The following DET1 variants were observed in gnomAD, a reference collection of about 807,000 sequenced individuals.
DET1 encodes the protein DET1 partner of COP1 E3 ubiquitin ligase, also known as DET1 homolog.
A neutral mutation model predicts 43.7 loss-of-function variants in DET1; 22 were observed. The ratio of observed to expected loss-of-function variants is 0.50; its 90% CI spans 0.36 to 0.72. DET1 has a LOEUF of 0.72. Among genes scored for constraint, DET1 ranks in the 30% least tolerant of loss-of-function variants. DET1 has a pLI of 0.00. For synonymous variants in DET1, 315 were observed against 266.2 expected, an observed-to-expected ratio of 1.18 and a Z score of -1.79; for missense variants, 713 against 713.3, an observed-to-expected ratio of 1.00 and a Z score of 0.00.
At chr15:88,517,772 ATTCT>A (rs2056385381) in intron 3 of DET1, among the ~76,000 whole-genome samples, 1 of 152,158 alleles carries the variant, frequency 6.6e-6, no homozygotes, top group Admixed American at 6.5e-5. Flanking sequence ...TAAATTACGC[ATTCT>A]TTGTTTGTTT....
intron 1 of DET1, among the ~76,000 whole-genome samples, chr15:88,537,647 T>G (rs1030017550): frequency 1.3e-5 from 2 of 152,214 alleles, no homozygotes; most frequent in Non-Finnish European, 1.5e-5. Context: ...GATGGTGATG[T>G]CCCACCGACC....
Position 88,513,198 on chromosome 15 carries a change from G to A in DET1, c.1464-58C>T, listed in dbSNP as rs757705007. 5.3e-6 allele frequency: 8 copies of A among 1,496,032 alleles called. No individual in the cohort carries two copies. In the South Asian group the frequency reaches 7.7e-5, roughly 14 times the overall value. 92.7% of individuals were successfully genotyped at this position (1,496,032 alleles called of 1,614,324 possible). On this transcript the variant is annotated intron_variant, in intron 4 of 4. Coordinates refer to ENST00000268148, the MANE Select transcript of DET1 (RefSeq NM_001144074.3). ...GGGGACAGGATTGATATTCACCATC[G>A]AACTGAAATCTAGACAGCAGGGGAA...
intron 3 of DET1, among the ~76,000 whole-genome samples, chr15:88,521,579 G>C (rs1178449311): frequency 6.6e-6 from 1 of 151,992 alleles, no homozygotes; most frequent in South Asian, 2.1e-4. Context: ...ATCTCCATAG[G>C]CTTCCTTAGA....
chr15:88,522,500 G>A (rs1315803330), intron 3 of DET1, among the ~76,000 whole-genome samples: 2 of 77,576 alleles, frequency 2.6e-5, no homozygotes, highest in African/African-American at 1.1e-4. Context: ...CATTGTTCTA[G>A]GAATGTTCCT....
Position 88,531,743 on chromosome 15 carries a change from A to C in DET1, c.-10-28T>G, listed in dbSNP as rs755119384. The stretch of plus-strand genomic sequence containing the variant: ...AAACAGAAAAGTAAAGCAGAAGTCA[A>C]GAAAGTGAAACAGAATTTACCAAAA... On this transcript the variant is annotated intron_variant, in intron 1 of 4. Transcript: ENST00000268148. The surrounding 1 kb of genome is among the most constrained non-coding windows in gnomAD (Gnocchi z 6.2). The C allele has an allele frequency of 2.0e-5, 31 of 1,566,228 alleles. No homozygotes were observed. Among genetic ancestry groups the C allele is most frequent in the Non-Finnish European group, 2.7e-5 (31 of 1,155,700 alleles).
At chr15:88,544,029 C>T (rs2057180705) in intron 1 of DET1, among the ~76,000 whole-genome samples, 1 of 152,232 alleles carries the variant, frequency 6.6e-6, no homozygotes, top group African/African-American at 2.4e-5. Flanking sequence ...TCCAGATAGA[C>T]TGAAGCATTT....
At chr15:88,514,527 G>T (rs1598315068) in intron 4 of DET1, among the ~76,000 whole-genome samples, 1 of 152,294 alleles carries the variant, frequency 6.6e-6, no homozygotes, top group Admixed American at 6.5e-5. Context: ...ATGTAAAAAT[G>T]TAGAAAGAGA....
Position 88,531,024 on chromosome 15 carries a change from T to C in DET1, c.682A>G (p.Ile228Val). The C allele has an allele frequency of 2.5e-6, 4 of 1,613,626 alleles. No individual in the cohort carries two copies. The highest frequency in any genetic ancestry group is 3.4e-6 in the Non-Finnish European group (4 of 1,179,674). Residue 228 changes from isoleucine to valine, a missense_variant, in exon 2 of 5, where the codon ATC becomes GTC. Physicochemically the swap from Ile to Val is conservative, Grantham distance 29 (BLOSUM62 3). Transcript: ENST00000268148. The surrounding 1 kb of genome is among the most constrained non-coding windows in gnomAD (Gnocchi z 6.2). The part of the protein sequence containing the change: ...HNQGLYLYKN[I>V]LAILSVQQQT... ...TGTTGCACAGACAAGATGGCCAGGATGTTTTTGTACAAGTACAGCCCTTGG... is the reference window on the plus strand; with the variant it reads ...TGTTGCACAGACAAGATGGCCAGGACGTTTTTGTACAAGTACAGCCCTTGG...
Position 88,531,583 on chromosome 15 carries a change from C to T in DET1, c.123G>A (p.Val41=). Residue 41 remains valine, a synonymous_variant, in exon 2 of 5, where the codon GTG becomes GTA. Transcript: ENST00000268148. This position sits in a 1 kb window ranked among gnomAD's most constrained non-coding sequence, Gnocchi z 6.2. ...KAGTHWHQVR[V]FHQNVFPNFT... ...AGTTGGGGAAGACATTCTGATGGAA[C>T]ACTCGGACTTGGTGCCAGTGGGTAC... The T allele has an allele frequency of 6.2e-7, 1 of 1,614,016 alleles. No homozygotes were observed. The highest frequency in any genetic ancestry group is 1.3e-5 in the African/African-American group (1 of 75,050).
downstream of DET1, among the ~76,000 whole-genome samples, chr15:88,510,771 G>GTTTT (rs72302105): frequency 7.5e-6 from 1 of 132,968 alleles, no homozygotes; most frequent in African/African-American, 2.8e-5. Flanking sequence ...TTTTTTTTTT[G>GTTTT]TTTTTTTTTT....
At position 88,512,528 on chromosome 15, in the gene DET1, C is replaced by T. The variant is rs2056220445; in HGVS notation, c.*423G>A. On this transcript the variant is annotated 3_prime_UTR_variant, in exon 5 of 5. Transcript: ENST00000268148. ...TTTATTTTTCTCTTAAAAAGATAGC[C>T]GTGCTTATGAGCTAAATGGAAAGGA... The T allele has an allele frequency of 6.1e-6, 6 of 988,928 alleles. No individual in the cohort carries two copies. The highest frequency in any genetic ancestry group is 7.2e-6 in the Non-Finnish European group (6 of 832,300). The allele number at this position is 988,928 out of a possible 1,614,324, so 61.3% of individuals were successfully genotyped here.
downstream of DET1, among the ~76,000 whole-genome samples, chr15:88,510,924 C>A (rs2056193210): frequency 6.6e-6 from 1 of 151,942 alleles, no homozygotes; most frequent in African/African-American, 2.4e-5. Flanking sequence ...CTGGCGCCCG[C>A]CACCACGTCC....
intron 3 of DET1, among the ~76,000 whole-genome samples, chr15:88,519,907 G>T (rs951863984): frequency 6.6e-6 from 1 of 152,104 alleles, no homozygotes; most frequent in Non-Finnish European, 1.5e-5. Context: ...GCTCTTTCAT[G>T]ACTATTTCAT....
chr15:88,515,258 G>T lies in DET1; in HGVS notation c.1463+1524C>A, dbSNP rs76522908. ...AAGAACCTACAGAATAAAAATGACTGGCCAGGCACGGTGGCTCAAGCCTGT... is the reference window on the plus strand; with the variant it reads ...AAGAACCTACAGAATAAAAATGACTTGCCAGGCACGGTGGCTCAAGCCTGT... On this transcript the variant is annotated intron_variant, in intron 4 of 4. Transcript: ENST00000268148. Among the ~76,000 whole-genome samples, 59 of 152,174 alleles carry T rather than the reference G, an allele frequency of 3.9e-4. 2 individuals are homozygous for T. The East Asian group carries it at 0.011, about 28-fold the overall frequency.
At chr15:88,541,609 G>C (rs908315030) in intron 1 of DET1, among the ~76,000 whole-genome samples, 1 of 152,192 alleles carries the variant, frequency 6.6e-6, no homozygotes, top group Non-Finnish European at 1.5e-5. Context: ...TTTGGAGTTG[G>C]GTGGCCCTCT....
intron 1 of DET1, among the ~76,000 whole-genome samples, chr15:88,538,050 A>G (rs2056998234): frequency 6.6e-6 from 1 of 152,232 alleles, no homozygotes; most frequent in East Asian, 1.9e-4. Flanking sequence ...CGGTATTTTC[A>G]GAGCCTAGCA....
Position 88,531,578 on chromosome 15 carries a change from T to C in DET1, c.128A>G (p.His43Arg). The C allele has an allele frequency of 6.2e-7, 1 of 1,614,028 alleles. No homozygotes were observed. The highest frequency in any genetic ancestry group is 8.5e-7 in the Non-Finnish European group (1 of 1,179,886). Residue 43 changes from histidine to arginine, a missense_variant, in exon 2 of 5, where the codon CAT becomes CGT. Coordinates refer to ENST00000268148, the MANE Select transcript of DET1 (RefSeq NM_001144074.3). This position sits in a 1 kb window ranked among gnomAD's most constrained non-coding sequence, Gnocchi z 6.2. ...TGTGAAGTTGGGGAAGACATTCTGATGGAACACTCGGACTTGGTGCCAGTG... is the reference window on the plus strand; with the variant it reads ...TGTGAAGTTGGGGAAGACATTCTGACGGAACACTCGGACTTGGTGCCAGTG... The part of the protein sequence containing the change: ...GTHWHQVRVF[H>R]QNVFPNFTVV...
At chr15:88,541,810 C>T (rs1456033612) in intron 1 of DET1, among the ~76,000 whole-genome samples, 6 of 152,202 alleles carry the variant, frequency 3.9e-5, no homozygotes, top group African/African-American at 1.2e-4. Context: ...GTGTTTTCAC[C>T]TCGACCCTCA....
Position 88,513,070 on chromosome 15 carries a change from G to T in DET1, c.1534C>A (p.His512Asn). Reference protein sequence around the residue: ...QAGLLGRPINHTVRRLVAFTF... With the variant: ...QAGLLGRPINNTVRRLVAFTF... ...AAGGCAACAAGGCGTCGCACTGTGT[G>T]GTTGATGGGGCGGCCCAATAACCCC... is the stretch of plus-strand genomic sequence containing the variant. Residue 512 changes from histidine to asparagine, a missense_variant, in exon 5 of 5, where the codon CAC becomes AAC. Coordinates refer to ENST00000268148, the MANE Select transcript of DET1 (RefSeq NM_001144074.3). The T allele has an allele frequency of 2.5e-6, 4 of 1,614,062 alleles. No homozygotes were observed. Among genetic ancestry groups the T allele is most frequent in the Non-Finnish European group, 3.4e-6 (4 of 1,179,896 alleles).
Sources: gnomAD v4.1 joint callset for allele counts (sites outside exome capture counted in the v4.1 genomes callset) on GRCh38, gnomAD v4.1.1 for gene constraint, Gnocchi (gnomAD v3.1) non-coding constraint, MANE v1.5 for transcripts, NCBI Gene and HGNC (gene_info 2026-07-23, HGNC 2026-07-21) for gene names.